ZNF540: variants seen among roughly 807,000 people sequenced by gnomAD.
The protein encoded by ZNF540 is CTD-3064H18.6.
In ZNF540, 3 loss-of-function variants were observed where a neutral mutation model predicts 11.8. That is an observed-to-expected ratio of 0.25 (90% CI 0.12 to 0.65). The LOEUF (loss-of-function observed/expected upper bound fraction) is 0.65, where lower values mean the gene tolerates loss of function less well. ZNF540 is among the 30% of genes least tolerant of loss of function. The probability of loss-of-function intolerance (pLI) is 0.83; values close to 1 mark genes in which losing one functional copy is unlikely to be tolerated. For synonymous variants in ZNF540, 247 were observed against 259.0 expected, an observed-to-expected ratio of 0.95 and a Z score of 0.45; for missense variants, 709 against 793.1, an observed-to-expected ratio of 0.89 and a Z score of 1.27.
chr19:37,614,041 G>T lies in ZNF540; in HGVS notation c.*778G>T. 5.1e-6 allele frequency: 2 copies of T among 395,034 alleles called. No individual in the cohort carries two copies. Among genetic ancestry groups the T allele is most frequent in the Non-Finnish European group, 8.9e-6 (2 of 224,438 alleles). The allele number at this position is 395,034 out of a possible 1,614,324, so 24.5% of individuals were successfully genotyped here. ...CAGAACCCAAGCATGCTGGCACCTT[G>T]ACCTTGGACTTTCAGCCTCCAAAAC... On this transcript the variant is annotated 3_prime_UTR_variant, in exon 5 of 5. Coordinates refer to ENST00000316433, the MANE Select transcript of ZNF540 (RefSeq NM_001172225.3).
At chr19:37,590,069 C>T (rs1168233837), upstream of ZNF540, among the ~76,000 whole-genome samples, 1 of 150,486 alleles carries the variant, frequency 6.6e-6, no homozygotes, top group Admixed American at 6.7e-5. Flanking sequence ...ATGTTTGATC[C>T]TAGATATGAT....
intron 1 of ZNF540, chr19:37,586,387 T>C: frequency 2.1e-6 from 1 of 471,318 alleles, no homozygotes; most frequent in Non-Finnish European, 3.8e-6. Context: ...TGTACCAATC[T>C]TAAAAGGAGG....
At chr19:37,602,330 A>G (rs529823866) in intron 4 of ZNF540, among the ~76,000 whole-genome samples, 1 of 152,332 alleles carries the variant, frequency 6.6e-6, no homozygotes, top group African/African-American at 2.4e-5. Context: ...GAGATGTTGA[A>G]CAGAGATGGT....
chr19:37,563,375 T>C (rs1028137325), intron 1 of ZNF540: 2 of 152,020 alleles, frequency 1.3e-5, no homozygotes, highest in African/African-American at 4.8e-5. Context: ...AAATGGAATG[T>C]AGCCTCCGAG....
At chr19:37,559,833 T>C (rs1456143243) in intron 1 of ZNF540, among the ~76,000 whole-genome samples, 1 of 152,158 alleles carries the variant, frequency 6.6e-6, no homozygotes, top group Non-Finnish European at 1.5e-5. Flanking sequence ...TAAAACAAAT[T>C]AAAGTGACAG....
Position 37,569,117 on chromosome 19 carries a change from T to A in ZNF540, c.-73+17452T>A, listed in dbSNP as rs554480333. Among the ~76,000 whole-genome samples the A allele has an allele frequency of 1.3e-5, 2 of 152,172 alleles. No individual in the cohort carries two copies. The highest frequency in any genetic ancestry group is 1.3e-4 in the Admixed American group (2 of 15,272). On this transcript the variant is annotated intron_variant, in intron 1 of 4. Transcript: ENST00000592533. This position sits in a 1 kb window ranked among gnomAD's most constrained non-coding sequence, Gnocchi z 4.4. The stretch of plus-strand genomic sequence containing the variant: ...ACAGGTGTGCACCACCATGCCTGGC[T>A]CATTTTTGTATTTTTAGTAGAGATA...
intron 1 of ZNF540, among the ~76,000 whole-genome samples, chr19:37,578,001 G>A (rs2043303265): frequency 6.6e-6 from 1 of 152,252 alleles, no homozygotes; most frequent in Admixed American, 6.5e-5. Flanking sequence ...TCAGATCAGC[G>A]GCAGCTTGAG....
intron 1 of ZNF540, among the ~76,000 whole-genome samples, chr19:37,589,075 T>C (rs934235414): frequency 2.0e-5 from 3 of 151,400 alleles, no homozygotes; most frequent in Admixed American, 6.6e-5. Context: ...TGGCGGGTGC[T>C]TGTGATCCCA....
intron 1 of ZNF540, chr19:37,564,929 T>A: frequency 6.2e-7 from 1 of 1,614,040 alleles, no homozygotes; most frequent in Non-Finnish European, 8.5e-7. Flanking sequence ...TTTGTAGGGC[T>A]TTTCACCTGT....
intron 1 of ZNF540, among the ~76,000 whole-genome samples, chr19:37,572,451 T>C (rs2043096195): frequency 6.6e-6 from 1 of 152,224 alleles, no homozygotes; most frequent in Admixed American, 6.5e-5. Context: ...GACCAGCATA[T>C]TGTCTAATTT....
intron 1 of ZNF540, chr19:37,554,798 A>ATT (rs2147135664): frequency 6.6e-6 from 1 of 152,392 alleles, no homozygotes; most frequent in African/African-American, 2.4e-5. Context: ...TTAAGAGTCC[A>ATT]TTTATTAGCT....
intron 2 of ZNF540, 100 bp from the exon 3 acceptor site, chr19:37,599,526 A>G (rs2044022930): frequency 7.0e-7 from 1 of 1,436,336 alleles, no homozygotes; most frequent in Non-Finnish European, 9.7e-7. Context: ...AGAGTTTAGT[A>G]TAGTACCCCT....
chr19:37,573,005 CAT>C (rs553750912), intron 1 of ZNF540, among the ~76,000 whole-genome samples: 18 of 152,284 alleles, frequency 1.2e-4, no homozygotes, highest in South Asian at 4.1e-4. Flanking sequence ...TCTTTCATCA[CAT>C]GATTGATTAT....
chr19:37,609,471 G>A (rs1473992054), intron 4 of ZNF540, among the ~76,000 whole-genome samples: 1 of 152,052 alleles, frequency 6.6e-6, no homozygotes, highest in Non-Finnish European at 1.5e-5. Context: ...CTTGAACCTG[G>A]GAGGCAGCGG....
At chr19:37,558,039 C>T (rs1054656802) in intron 1 of ZNF540, among the ~76,000 whole-genome samples, 3 of 152,086 alleles carry the variant, frequency 2.0e-5, no homozygotes, top group African/African-American at 7.2e-5. Context: ...ACAGGTGAAA[C>T]GGCTTTGAGA....
At chr19:37,551,912 T>C (rs17303902) in intron 1 of ZNF540, among the ~76,000 whole-genome samples, 40,471 of 151,790 alleles carry the variant, frequency 0.27, 6,435 homozygotes, top group Non-Finnish European at 0.37. Flanking sequence ...GGCTCTCTTA[T>C]GCGCCCTCTT....
At chr19:37,582,008 A>C (rs755711686) in intron 1 of ZNF540, among the ~76,000 whole-genome samples, 1 of 152,148 alleles carries the variant, frequency 6.6e-6, no homozygotes, top group Non-Finnish European at 1.5e-5. Flanking sequence ...AGTTGAAATA[A>C]TACTGCATAT....
At chr19:37,571,260 T>TGA (rs1427198393) in intron 1 of ZNF540, among the ~76,000 whole-genome samples, 1 of 152,096 alleles carries the variant, frequency 6.6e-6, no homozygotes, top group African/African-American at 2.4e-5. Flanking sequence ...CATGGGAGGC[T>TGA]GAGGTGGGCA....
At chr19:37,601,704 G>A (rs958109027) in intron 4 of ZNF540, among the ~76,000 whole-genome samples, 6 of 152,236 alleles carry the variant, frequency 3.9e-5, no homozygotes, top group Non-Finnish European at 7.3e-5. Context: ...TCTTCGAAGA[G>A]AGAATATATG....
Sources: gnomAD v4.1 joint callset for allele counts (sites outside exome capture counted in the v4.1 genomes callset) on GRCh38, gnomAD v4.1.1 for gene constraint, Gnocchi (gnomAD v3.1) non-coding constraint, MANE v1.5 for transcripts, NCBI Gene and HGNC (gene_info 2026-07-23, HGNC 2026-07-21) for gene names.